The following DPP6 variants were observed in gnomAD, a reference collection of about 807,000 sequenced individuals.
DPP6 encodes the protein A-type potassium channel modulatory protein DPP6.
DPP6 carries 69 observed loss-of-function variants against 122.6 expected under a neutral mutation model. That is an observed-to-expected ratio of 0.56 (90% CI 0.46 to 0.69). The LOEUF (loss-of-function observed/expected upper bound fraction) is 0.69. Ranked by LOEUF, DPP6 falls within the 30% of genes least tolerant of loss-of-function variation. DPP6 has a pLI of 0.00. For missense variants in DPP6, 928 were observed against 1,116.9 expected, an observed-to-expected ratio of 0.83 and a Z score of 2.41; for synonymous variants, 418 against 433.1, an observed-to-expected ratio of 0.97 and a Z score of 0.43.
At chr7:154,099,267 T>C (rs1445168876) in intron 1 of DPP6, among the ~76,000 whole-genome samples, 2 of 152,206 alleles carry the variant, frequency 1.3e-5, no homozygotes, top group African/African-American at 4.8e-5. Context: ...CATTCACAAA[T>C]AAATATTGAT....
intron 1 of DPP6, among the ~76,000 whole-genome samples, chr7:154,075,060 A>G (rs1327883592): frequency 6.6e-6 from 1 of 152,008 alleles, no homozygotes; most frequent in Non-Finnish European, 1.5e-5. Flanking sequence ...AAAATGCTCA[A>G]CCTCAGTAAT....
intron 1 of DPP6, among the ~76,000 whole-genome samples, chr7:154,397,212 C>T (rs1361986118): frequency 6.6e-6 from 1 of 150,534 alleles, no homozygotes; most frequent in Admixed American, 6.6e-5. Context: ...AAAATGAAGG[C>T]ACTTCTGATG....
At chr7:154,539,640 G>T (rs1232725068) in intron 3 of DPP6, among the ~76,000 whole-genome samples, 1 of 139,514 alleles carries the variant, frequency 7.2e-6, no homozygotes, top group South Asian at 2.3e-4. Context: ...ATACAAAAAA[G>T]AAAAAAAAAA....
chr7:154,164,890 A>C (rs964360025), intron 1 of DPP6, among the ~76,000 whole-genome samples: 6 of 152,090 alleles, frequency 3.9e-5, no homozygotes, highest in African/African-American at 1.4e-4. Flanking sequence ...GCTGGTTTTC[A>C]CTATTCAGCT....
chr7:154,578,449 G>T (rs1586669160), intron 5 of DPP6, among the ~76,000 whole-genome samples: 1 of 152,040 alleles, frequency 6.6e-6, no homozygotes, highest in African/African-American at 2.4e-5. Flanking sequence ...AGCATTGAGA[G>T]AACCTTGGGT....
intron 1 of DPP6, among the ~76,000 whole-genome samples, chr7:154,273,918 G>A (rs997910394): frequency 6.6e-6 from 1 of 152,166 alleles, no homozygotes; most frequent in Non-Finnish European, 1.5e-5. Context: ...GAGTGTGAAA[G>A]CAATCATTCG....
intron 1 of DPP6, among the ~76,000 whole-genome samples, chr7:154,010,219 G>A (rs1452880231): frequency 6.6e-6 from 1 of 152,198 alleles, no homozygotes; most frequent in East Asian, 1.9e-4. Flanking sequence ...CCAAGGTCTG[G>A]CAAAGCTTTA....
rs548558812 is a variant in DPP6, at chr7:154,124,014, A to G, written c.243+70951A>G. ...CATGCTGCCCACTCACTATGATTCC[A>G]TGGGGACAGACATGCCGCCCACGCA... On this transcript the variant is annotated intron_variant, in intron 1 of 25. Transcript: ENST00000377770. Among the ~76,000 whole-genome samples, 700 of 148,436 alleles carry G rather than the reference A, an allele frequency of 4.7e-3. 4 individuals are homozygous for G. The highest frequency in any genetic ancestry group is 0.016 in the African/African-American group (654 of 39,816).
At chr7:154,734,887 C>T (rs1842504541) in intron 8 of DPP6, among the ~76,000 whole-genome samples, 2 of 152,224 alleles carry the variant, frequency 1.3e-5, no homozygotes, top group Non-Finnish European at 2.9e-5. Flanking sequence ...TTGAAATAAG[C>T]TAATACACAT....
At chr7:154,748,777 G>T (rs1843161797) in intron 8 of DPP6, among the ~76,000 whole-genome samples, 1 of 152,218 alleles carries the variant, frequency 6.6e-6, no homozygotes, top group Admixed American at 6.5e-5. Context: ...GGTTGGAACG[G>T]ACGTGCCTAT....
chr7:154,881,184 C>A (rs1805360853), intron 21 of DPP6: 1 of 581,978 alleles, frequency 1.7e-6, no homozygotes, highest in Admixed American at 3.6e-5. Context: ...CAAGTCCCCG[C>A]AGGAGAGCTC....
chr7:154,854,759 G>A (rs933304545), intron 17 of DPP6, among the ~76,000 whole-genome samples: 4 of 152,180 alleles, frequency 2.6e-5, no homozygotes, highest in South Asian at 2.1e-4. Context: ...GGGCACATCC[G>A]TGTTTACGCG....
the DPP6 span, among the ~76,000 whole-genome samples, chr7:153,780,435 C>A: frequency 1.3e-5 from 2 of 152,082 alleles, no homozygotes; most frequent in African/African-American, 4.8e-5. Context: ...TAAATAGCCT[C>A]TTGATATCAA....
At position 154,060,741 on chromosome 7, in the gene DPP6, AGG is replaced by A. The variant is rs1801700912; in HGVS notation, c.243+7680_243+7681del. Among the ~76,000 whole-genome samples the A allele has an allele frequency of 1.0e-4, 10 of 96,266 alleles. No homozygotes were observed. In the South Asian group the frequency reaches 1.6e-3, roughly 16 times the overall value. The allele number at this position is 96,266 out of a possible 152,430, so 63.2% of individuals were successfully genotyped here. ...GGGGGGGAGGCACCCCCCGCGAGGC[AGG>A]GACTGAGAGCCAGTCCCTCTTCCCC... On this transcript the variant is annotated intron_variant, in intron 1 of 25. Transcript: ENST00000377770.
chr7:154,708,958 G>T (rs959143894), intron 7 of DPP6, among the ~76,000 whole-genome samples: 1 of 152,020 alleles, frequency 6.6e-6, no homozygotes, highest in African/African-American at 2.4e-5. Flanking sequence ...TGAGGCAAGA[G>T]AATTGCTTGA....
intron 8 of DPP6, among the ~76,000 whole-genome samples, chr7:154,740,518 T>C (rs1586993853): frequency 6.6e-6 from 1 of 152,212 alleles, no homozygotes; most frequent in East Asian, 1.9e-4. Flanking sequence ...GGCCTCAGTG[T>C]CTTTTTCTTG....
intron 1 of DPP6, among the ~76,000 whole-genome samples, chr7:154,272,320 G>A (rs541084404): frequency 2.6e-5 from 4 of 152,308 alleles, no homozygotes; most frequent in African/African-American, 9.6e-5. Context: ...TCAGACTACA[G>A]AGAACACACC....
chr7:154,349,117 A>AG (rs1210945668), intron 1 of DPP6, among the ~76,000 whole-genome samples: 1 of 152,230 alleles, frequency 6.6e-6, no homozygotes, highest in East Asian at 1.9e-4. Flanking sequence ...CCAGTGAGGA[A>AG]GGGGGTGACA....
chr7:154,259,573 G>A (rs1191363802), intron 1 of DPP6, among the ~76,000 whole-genome samples: 3 of 152,166 alleles, frequency 2.0e-5, no homozygotes, highest in Admixed American at 6.5e-5. Context: ...CTGCTCAGGG[G>A]TGAATGAGAA....
Sources: allele counts gnomAD v4.1 joint callset (sites outside exome capture counted in the v4.1 genomes callset), GRCh38; gene constraint gnomAD v4.1.1; transcripts MANE v1.5; gene names NCBI Gene and HGNC (gene_info 2026-07-23, HGNC 2026-07-21).